MAPKAP1: variants seen among roughly 807,000 people sequenced by gnomAD.
The protein encoded by MAPKAP1 is target of rapamycin complex 2 subunit MAPKAP1.
A neutral mutation model predicts 65.7 loss-of-function variants in MAPKAP1; 20 were observed. The observed-to-expected ratio is 0.30, with a 90% CI of 0.21 to 0.44. The LOEUF is 0.44. Among genes scored for constraint, MAPKAP1 ranks in the 20% least tolerant of loss-of-function variants. The pLI, the probability that MAPKAP1 is intolerant of heterozygous loss-of-function variation, is 1.00. For synonymous variants in MAPKAP1, 222 were observed against 244.3 expected, an observed-to-expected ratio of 0.91 and a Z score of 0.85; for missense variants, 423 against 648.0, an observed-to-expected ratio of 0.65 and a Z score of 3.77.
At chr9:125,560,509 G>A (rs570566408) in intron 5 of MAPKAP1, among the ~76,000 whole-genome samples, 11 of 152,266 alleles carry the variant, frequency 7.2e-5, no homozygotes, top group African/African-American at 2.6e-4. Flanking sequence ...ACTTGAGCCC[G>A]TGAGGTCGAG....
At chr9:125,449,429 A>G (rs1337395312) in intron 10 of MAPKAP1, among the ~76,000 whole-genome samples, 4 of 152,176 alleles carry the variant, frequency 2.6e-5, no homozygotes, top group Non-Finnish European at 5.9e-5. Flanking sequence ...GCCTCCTTTG[A>G]GCAGATTTGC....
intron 4 of MAPKAP1, among the ~76,000 whole-genome samples, chr9:125,586,165 G>A (rs1394725022): frequency 6.6e-6 from 1 of 152,160 alleles, no homozygotes; most frequent in Non-Finnish European, 1.5e-5. Context: ...CCGCAGCACT[G>A]AAACAGGTGC....
chr9:125,459,826 C>T (rs369324085), intron 10 of MAPKAP1, among the ~76,000 whole-genome samples: 1 of 147,364 alleles, frequency 6.8e-6, no homozygotes, highest in Non-Finnish European at 1.5e-5. Flanking sequence ...AGAGGGAGAC[C>T]GTGGAAAGAG....
chr9:125,647,679 C>T (rs1028967094), intron 4 of MAPKAP1, among the ~76,000 whole-genome samples: 1 of 152,194 alleles, frequency 6.6e-6, no homozygotes, highest in Non-Finnish European at 1.5e-5. Context: ...CATATGGCCG[C>T]TCTTGTCTTT....
chr9:125,481,701 C>A (rs901254191), intron 9 of MAPKAP1, among the ~76,000 whole-genome samples: 2 of 151,972 alleles, frequency 1.3e-5, no homozygotes, highest in African/African-American at 4.8e-5. Context: ...GGATTACAGA[C>A]GTGAGCCATG....
At chr9:125,466,603 C>T (rs148536724) in intron 10 of MAPKAP1, among the ~76,000 whole-genome samples, 28 of 152,216 alleles carry the variant, frequency 1.8e-4, no homozygotes, top group Admixed American at 1.3e-4. Context: ...CTGAAGTGAG[C>T]GGGATTAGGA....
At chr9:125,518,312 C>T (rs1358604590) in intron 7 of MAPKAP1, among the ~76,000 whole-genome samples, 1 of 152,056 alleles carries the variant, frequency 6.6e-6, no homozygotes, top group African/African-American at 2.4e-5. Context: ...TGCAGTGGCT[C>T]ACATTACATC....
chr9:125,532,060 C>A (rs1046028357), intron 7 of MAPKAP1, among the ~76,000 whole-genome samples: 3 of 152,130 alleles, frequency 2.0e-5, no homozygotes, highest in Non-Finnish European at 4.4e-5. Flanking sequence ...AAAGTTCCCT[C>A]ATCCACATTA....
At chr9:125,472,695 T>C (rs2133003498) in intron 9 of MAPKAP1, among the ~76,000 whole-genome samples, 1 of 152,296 alleles carries the variant, frequency 6.6e-6, no homozygotes. Context: ...GAATAGTTGA[T>C]CCAACAATGA....
intron 9 of MAPKAP1, among the ~76,000 whole-genome samples, chr9:125,480,975 GAAAAA>G (rs536367888): frequency 9.2e-6 from 1 of 108,684 alleles, no homozygotes; most frequent in East Asian, 4.1e-4. Context: ...CCGTTTCGGG[GAAAAA>G]AAAAAAAAAA....
intron 1 of MAPKAP1, among the ~76,000 whole-genome samples, chr9:125,676,190 AT>A (rs968825911): frequency 1.3e-5 from 2 of 152,188 alleles, no homozygotes; most frequent in Admixed American, 6.5e-5. Context: ...TTAGACGGTA[AT>A]TTGGTAATAT....
intron 7 of MAPKAP1, among the ~76,000 whole-genome samples, chr9:125,530,817 T>C (rs949938458): frequency 2.0e-5 from 3 of 152,156 alleles, no homozygotes; most frequent in African/African-American, 7.2e-5. Flanking sequence ...ATCATATGGA[T>C]AGAAAAGGAA....
At chr9:125,532,815 T>C (rs550261446) in intron 7 of MAPKAP1, among the ~76,000 whole-genome samples, 2 of 152,344 alleles carry the variant, frequency 1.3e-5, no homozygotes, top group African/African-American at 2.4e-5. Context: ...TTCCAGATTA[T>C]GATGCATTTT....
chr9:125,463,483 C>T (rs1016531836), intron 10 of MAPKAP1, among the ~76,000 whole-genome samples: 2 of 152,214 alleles, frequency 1.3e-5, no homozygotes, highest in African/African-American at 4.8e-5. Flanking sequence ...AAGAAAGATT[C>T]ACTTAAGTGG....
At chr9:125,548,283 C>G (rs909031809) in intron 6 of MAPKAP1, among the ~76,000 whole-genome samples, 9 of 152,198 alleles carry the variant, frequency 5.9e-5, no homozygotes, top group African/African-American at 2.2e-4. Context: ...AATTATAGTT[C>G]TGTGTGACAG....
chr9:125,481,000 A>T (rs1435701549), intron 9 of MAPKAP1, among the ~76,000 whole-genome samples: 1 of 150,334 alleles, frequency 6.7e-6, no homozygotes, highest in Non-Finnish European at 1.5e-5. Context: ...AAAAAAAAAA[A>T]AGAATATGCT....
At chr9:125,583,500 A>C (rs1831685249) in intron 5 of MAPKAP1, among the ~76,000 whole-genome samples, 1 of 152,248 alleles carries the variant, frequency 6.6e-6, no homozygotes, top group South Asian at 2.1e-4. Context: ...AAACTCAATA[A>C]ATATTTTCAT....
intron 3 of MAPKAP1, among the ~76,000 whole-genome samples, chr9:125,662,833 G>A (rs1234702348): frequency 1.3e-5 from 2 of 151,684 alleles, no homozygotes; most frequent in African/African-American, 2.4e-5. Context: ...ATTTTTTGAA[G>A]AGTAGTAGTG....
At chr9:125,661,977 A>G (rs1428978505) in intron 3 of MAPKAP1, among the ~76,000 whole-genome samples, 2 of 152,230 alleles carry the variant, frequency 1.3e-5, no homozygotes, top group African/African-American at 4.8e-5. Context: ...CATTAACCAA[A>G]GTAGTAGATG....
Sources: allele counts gnomAD v4.1 joint callset (sites outside exome capture counted in the v4.1 genomes callset), GRCh38; gene constraint gnomAD v4.1.1; transcripts MANE v1.5; gene names NCBI Gene and HGNC (gene_info 2026-07-23, HGNC 2026-07-21).